CMC1: variants seen among roughly 807,000 people sequenced by gnomAD.
The protein encoded by CMC1 is COX assembly mitochondrial protein homolog.
CMC1 carries 14 observed loss-of-function variants against 14.1 expected under a neutral mutation model. The observed-to-expected ratio is 0.99, with a 90% confidence interval of 0.66 to 1.55. The LOEUF is 1.55. CMC1 is among the 40% of genes most tolerant of loss of function. The pLI, the probability that CMC1 is intolerant of heterozygous loss-of-function variation, is 0.00. For synonymous variants in CMC1, 50 were observed against 38.4 expected, an observed-to-expected ratio of 1.30 and a Z score of -1.12; for missense variants, 127 against 123.8, an observed-to-expected ratio of 1.03 and a Z score of -0.12.
chr3:28,275,954 G>C (rs761993819), intron 2 of CMC1, among the ~76,000 whole-genome samples: 1 of 152,184 alleles, frequency 6.6e-6, no homozygotes, highest in African/African-American at 2.4e-5. Flanking sequence ...AAACCACCCA[G>C]TCTCCCTGGC....
intron 2 of CMC1, among the ~76,000 whole-genome samples, chr3:28,268,952 T>C (rs868226192): frequency 1.3e-5 from 2 of 152,216 alleles, no homozygotes; most frequent in African/African-American, 4.8e-5. Flanking sequence ...TCATTTCATA[T>C]CATCATCATA....
rs1703113002 is a variant in CMC1 at position 28,319,523 on chromosome 3, C to A, written c.215C>A (p.Ala72Asp). The A allele has an allele frequency of 2.5e-6, 4 of 1,600,154 alleles. No homozygotes were observed. Among genetic ancestry groups the A allele is most frequent in the African/African-American group, 1.3e-5 (1 of 74,292 alleles). The change falls in exon 4 of 4, where the codon GCC (alanine) becomes GAC (aspartate). Residue 72 changes from alanine (A) to aspartate (D), a missense_variant. Coordinates refer to ENST00000466830, the MANE Select transcript of CMC1 (RefSeq NM_182523.2). ...CCTTCTCATAGCTATAATGATCCAG[C>A]CTTTTATGAAGAATGCAAAATGGAA... ...ECLTAYYNDPAFYEECKMEYL... is the reference protein window; with the variant it reads ...ECLTAYYNDPDFYEECKMEYL...
At chr3:28,305,853 A>G (rs1702281458) in intron 2 of CMC1, among the ~76,000 whole-genome samples, 1 of 105,976 alleles carries the variant, frequency 9.4e-6, no homozygotes, top group Non-Finnish European at 1.8e-5. Context: ...ATCTTGAGTT[A>G]ATTTTTGTAT....
At chr3:28,299,262 C>T (rs1701899915) in intron 2 of CMC1, among the ~76,000 whole-genome samples, 1 of 152,042 alleles carries the variant, frequency 6.6e-6, no homozygotes, top group Admixed American at 6.6e-5. Context: ...AAGATGCATG[C>T]ATTTTATTTT....
chr3:28,247,459 A>T (rs890432361), intron 1 of CMC1, among the ~76,000 whole-genome samples: 1 of 152,172 alleles, frequency 6.6e-6, no homozygotes, highest in Non-Finnish European at 1.5e-5. Flanking sequence ...CCTTGGAGGC[A>T]AGGGAGCTGG....
In CMC1 at chr3:28,321,672, A is replaced by G. The variant is rs1703192511; in HGVS notation, c.*2043A>G. 1 of 150,608 alleles carries G rather than the reference A, an allele frequency of 6.6e-6. No individual in the cohort carries two copies. Among genetic ancestry groups the G allele is most frequent in the African/African-American group, 2.4e-5 (1 of 41,246 alleles). 9.3% of individuals were successfully genotyped at this position (150,608 alleles called of 1,614,324 possible). On this transcript the variant is annotated 3_prime_UTR_variant, in exon 4 of 4. Transcript: ENST00000466830. The stretch of plus-strand genomic sequence containing the variant: ...GTAGCCTTTCTGAATTAAGATCAGT[A>G]CTTTGTTGTCACATGATTCAGCTCT...
chr3:28,269,084 G>A (rs1019494279), intron 2 of CMC1, among the ~76,000 whole-genome samples: 43 of 152,150 alleles, frequency 2.8e-4, no homozygotes, highest in Admixed American at 5.2e-4. Flanking sequence ...CTCATACTAT[G>A]CCTAATTTAT....
chr3:28,314,505 G>C (rs1479023813), intron 2 of CMC1, among the ~76,000 whole-genome samples: 1 of 152,186 alleles, frequency 6.6e-6, no homozygotes, highest in African/African-American at 2.4e-5. Context: ...AGGCTGGGTT[G>C]GGAATGAGAG....
Position 28,290,134 on chromosome 3 carries a change from C to G in CMC1, c.110-26199C>G, listed in dbSNP as rs183183935. On this transcript the variant is annotated intron_variant, in intron 2 of 3. Transcript: ENST00000466830. ...TATACTTCCCCCACCTTTTCTCTTT[C>G]AGGTCCCAGTTTCTGTAAGTTGTAA... Among the ~76,000 whole-genome samples, 51 of 152,232 alleles carry G rather than the reference C, an allele frequency of 3.4e-4. 1 individual carries two copies. Among genetic ancestry groups the G allele is most frequent in the African/African-American group, 1.1e-3 (45 of 41,560 alleles).
intron 2 of CMC1, among the ~76,000 whole-genome samples, chr3:28,289,867 A>G (rs1448404475): frequency 1.3e-5 from 2 of 152,176 alleles, no homozygotes; most frequent in Non-Finnish European, 2.9e-5. Context: ...TCACAAAGAC[A>G]GACATCTCTC....
At chr3:28,316,206 C>T in intron 2 of CMC1, 127 bp from the exon 3 acceptor site, 4 of 544,882 alleles carry the variant, frequency 7.3e-6, no homozygotes, top group Non-Finnish European at 1.3e-5. Context: ...GAGCTATAAT[C>T]ATGCCACTGC....
chr3:28,289,332 A>G (rs1041549740), intron 2 of CMC1, among the ~76,000 whole-genome samples: 6 of 151,916 alleles, frequency 3.9e-5, no homozygotes, highest in Admixed American at 1.3e-4. Flanking sequence ...TATCTTACTA[A>G]GTATTGGGGA....
intron 2 of CMC1, among the ~76,000 whole-genome samples, chr3:28,302,520 G>A (rs1239261582): frequency 3.3e-5 from 5 of 152,100 alleles, no homozygotes; most frequent in African/African-American, 7.2e-5. Flanking sequence ...GTCCACACCA[G>A]GCTGTGTGAA....
intron 3 of CMC1, 83 bp downstream of exon 3, chr3:28,316,506 T>A (rs996899252): frequency 4.0e-5 from 26 of 655,692 alleles, no homozygotes; most frequent in Non-Finnish European, 5.9e-5. Flanking sequence ...ACATGTAATA[T>A]ATTCTGTACC....
intron 2 of CMC1, among the ~76,000 whole-genome samples, chr3:28,273,171 T>C (rs999775266): frequency 2.0e-5 from 3 of 152,204 alleles, no homozygotes; most frequent in African/African-American, 7.2e-5. Context: ...TTGGTTAGTA[T>C]GCTATTTATC....
At chr3:28,266,408 A>G (rs940620378) in intron 2 of CMC1, among the ~76,000 whole-genome samples, 2 of 152,170 alleles carry the variant, frequency 1.3e-5, no homozygotes, top group Non-Finnish European at 2.9e-5. Context: ...TTTGGGTGAC[A>G]AATAGTGTTC....
intron 2 of CMC1, among the ~76,000 whole-genome samples, chr3:28,272,879 G>T (rs1209675662): frequency 3.3e-5 from 5 of 151,930 alleles, no homozygotes; most frequent in African/African-American, 1.2e-4. Flanking sequence ...TAGAGATGGG[G>T]TTTCACTATG....
At chr3:28,276,812 A>G (rs1035380482) in intron 2 of CMC1, among the ~76,000 whole-genome samples, 1 of 152,248 alleles carries the variant, frequency 6.6e-6, no homozygotes, top group Non-Finnish European at 1.5e-5. Context: ...TGGTTTCTAC[A>G]AAACTCTGGA....
chr3:28,244,675 G>A (rs1405768487), intron 1 of CMC1, among the ~76,000 whole-genome samples: 1 of 151,918 alleles, frequency 6.6e-6, no homozygotes, highest in Non-Finnish European at 1.5e-5. Flanking sequence ...GCAGTGAGCC[G>A]AGGTTGCGCC....
Sources: allele counts gnomAD v4.1 joint callset (sites outside exome capture counted in the v4.1 genomes callset), GRCh38; gene constraint gnomAD v4.1.1; transcripts MANE v1.5; gene names NCBI Gene and HGNC (gene_info 2026-07-23, HGNC 2026-07-21).